Variants in CTCF observed in about 807,000 individuals in gnomAD.
CTCF encodes transcriptional repressor CTCF.
In CTCF, 7 loss-of-function variants were observed where a neutral mutation model predicts 72.3. The ratio of observed to expected loss-of-function variants is 0.10; its 90% CI spans 0.06 to 0.18. The LOEUF is 0.18. Among genes scored for constraint, CTCF ranks in the 10% least tolerant of loss-of-function variants. CTCF has a pLI of 1.00. For missense variants in CTCF, 516 were observed against 949.1 expected, an observed-to-expected ratio of 0.54 and a Z score of 6.00; for synonymous variants, 374 against 315.8, an observed-to-expected ratio of 1.18 and a Z score of -1.95.
At chr16:67,590,960 CAAAAAAAA>C (rs58183374) in intron 2 of CTCF, among the ~76,000 whole-genome samples, 9 of 55,130 alleles carry the variant, frequency 1.6e-4, no homozygotes, top group African/African-American at 5.4e-4. Flanking sequence ...GACTCTGTCT[CAAAAAAAA>C]AAAAAAAAAA....
chr16:67,610,017 C>T (rs889913163), intron 2 of CTCF, among the ~76,000 whole-genome samples: 2 of 152,172 alleles, frequency 1.3e-5, no homozygotes, highest in Non-Finnish European at 2.9e-5. Flanking sequence ...ATAACAGTAG[C>T]ACATCCCAGC....
intron 1 of CTCF, chr16:67,568,394 GTTC>G (rs1359871750): frequency 8.8e-5 from 13 of 147,566 alleles, no homozygotes; most frequent in Admixed American, 3.4e-4. Flanking sequence ...TTTTGTTGTT[GTTC>G]TTCTTCCCTG....
intron 7 of CTCF, 91 bp from the exon 8 acceptor site, chr16:67,626,452 CAAAAAAAAAAAA>C: frequency 2.7e-6 from 1 of 369,652 alleles, no homozygotes; most frequent in East Asian, 5.8e-5. Context: ...GACTCCGTCT[CAAAAAAAAAAAA>C]AAAAAAAAAG....
intron 2 of CTCF, among the ~76,000 whole-genome samples, chr16:67,575,705 A>G (rs1041394218): frequency 1.3e-5 from 2 of 151,636 alleles, no homozygotes; most frequent in Admixed American, 1.3e-4. Context: ...GGCCTCCCAA[A>G]GTGCTGGGAT....
chr16:67,566,154 A>T (rs1043662905), intron 1 of CTCF, among the ~76,000 whole-genome samples: 2 of 152,180 alleles, frequency 1.3e-5, no homozygotes, highest in East Asian at 3.9e-4. Context: ...ATTATGATTT[A>T]AAAAGAACAA....
At chr16:67,565,100 C>G (rs1397735065) in intron 1 of CTCF, among the ~76,000 whole-genome samples, 2 of 151,668 alleles carry the variant, frequency 1.3e-5, no homozygotes, top group Non-Finnish European at 2.9e-5. Context: ...CTCCCGGATT[C>G]AAGCAATTCT....
chr16:67,567,655 A>C (rs2051360510), intron 1 of CTCF, among the ~76,000 whole-genome samples: 1 of 151,632 alleles, frequency 6.6e-6, no homozygotes, highest in African/African-American at 2.4e-5. Context: ...CAGTGGCATG[A>C]TCATAGCTCA....
At chr16:67,595,262 A>G in intron 2 of CTCF, among the ~76,000 whole-genome samples, 1 of 146,180 alleles carries the variant, frequency 6.8e-6, no homozygotes, top group Non-Finnish European at 1.5e-5. Context: ...GGCCCAAGCC[A>G]TCCTCCTGCT....
chr16:67,607,178 A>G (rs1011388195), intron 2 of CTCF, among the ~76,000 whole-genome samples: 15 of 152,066 alleles, frequency 9.9e-5, no homozygotes, highest in South Asian at 4.1e-4. Context: ...GCTTGTCTCC[A>G]TCTCCTGACT....
At chr16:67,563,001 G>A (rs1421989273) in intron 1 of CTCF, among the ~76,000 whole-genome samples, 1 of 144,136 alleles carries the variant, frequency 6.9e-6, no homozygotes, top group Non-Finnish European at 1.5e-5. Context: ...GCAGAGGCCC[G>A]CGCGCCCGGC....
intron 1 of CTCF, among the ~76,000 whole-genome samples, chr16:67,567,713 C>T (rs1440400387): frequency 2.0e-5 from 3 of 151,894 alleles, no homozygotes; most frequent in African/African-American, 4.8e-5. Context: ...GCTGCAGCCT[C>T]CCAAGTAGCT....
chr16:67,636,628 C>A (rs1008443686), intron 10 of CTCF, 62 bp from the exon 11 acceptor site: 2 of 1,172,682 alleles, frequency 1.7e-6, no homozygotes, highest in Non-Finnish European at 1.2e-6. Context: ...TAATTGTTTT[C>A]TTTCATCTTC....
chr16:67,597,138 G>T (rs1258389484), intron 2 of CTCF, among the ~76,000 whole-genome samples: 2 of 152,038 alleles, frequency 1.3e-5, no homozygotes, highest in African/African-American at 4.8e-5. Context: ...AGGTTCAGGA[G>T]ATCCTCCCAC....
intron 2 of CTCF, among the ~76,000 whole-genome samples, chr16:67,577,194 G>A (rs1265347466): frequency 3.3e-5 from 5 of 151,650 alleles, no homozygotes; most frequent in Admixed American, 1.3e-4. Flanking sequence ...CGAGGTGGGC[G>A]GATCACGAGG....
In CTCF at chr16:67,616,749, T is replaced by C. The variant is rs1048653603; in HGVS notation, c.957T>C (p.Thr319=). The C allele has an allele frequency of 8.1e-6, 13 of 1,614,048 alleles. No homozygotes were observed. The highest frequency in any genetic ancestry group is 1.1e-5 in the Non-Finnish European group (13 of 1,180,012). The change falls in exon 5 of 12, where the codon ACT becomes ACC. Residue 319 remains threonine, a synonymous_variant. Transcript: ENST00000264010. ...GTTACTCCATCCTTTCTCTAGGTAC[T>C]CGTCCTCACAAGTGCCCAGACTGCG... ...LRNHLNTHTG[T]RPHKCPDCDM...
intron 2 of CTCF, among the ~76,000 whole-genome samples, chr16:67,593,470 G>A (rs112108981): frequency 6.6e-4 from 101 of 152,134 alleles, no homozygotes; most frequent in African/African-American, 1.5e-3. Flanking sequence ...GCCTTAATTC[G>A]CTTAGGATAA....
intron 2 of CTCF, among the ~76,000 whole-genome samples, chr16:67,584,098 G>A (rs1443539363): frequency 3.3e-5 from 5 of 151,016 alleles, no homozygotes; most frequent in Admixed American, 6.6e-5. Context: ...TCAGCTGGGC[G>A]CAGTGGCTCA....
At chr16:67,578,611 G>C (rs765352626) in intron 2 of CTCF, among the ~76,000 whole-genome samples, 104 of 151,574 alleles carry the variant, frequency 6.9e-4, no homozygotes, top group Non-Finnish European at 7.4e-4. Context: ...GTGATTACAA[G>C]CATGAGCCAA....
intron 2 of CTCF, chr16:67,572,491 G>T (rs1052878430): frequency 6.6e-6 from 1 of 152,206 alleles, no homozygotes; most frequent in Non-Finnish European, 1.5e-5. Flanking sequence ...AGGGAATCAG[G>T]TGGTATGATT....
Sources: gnomAD v4.1 joint callset for allele counts (sites outside exome capture counted in the v4.1 genomes callset) on GRCh38, gnomAD v4.1.1 for gene constraint, MANE v1.5 for transcripts, NCBI Gene and HGNC (gene_info 2026-07-23, HGNC 2026-07-21) for gene names.